The following PEPD variants were observed in gnomAD, a reference collection of about 807,000 sequenced individuals.
The protein encoded by PEPD is peptidase D.
Under a neutral mutation model 60.7 loss-of-function variants are expected in PEPD, and 53 were observed. That is an observed-to-expected ratio of 0.87 (90% CI 0.70 to 1.10). The LOEUF is 1.10. Ranked by LOEUF, PEPD falls within the 50% of genes least tolerant of loss-of-function variation. PEPD has a pLI of 0.00. For missense variants in PEPD, 711 were observed against 711.9 expected, an observed-to-expected ratio of 1.00 and a Z score of 0.01; for synonymous variants, 267 against 284.1, an observed-to-expected ratio of 0.94 and a Z score of 0.60.
chr19:33,448,109 G>A (rs1600123482), intron 9 of PEPD, among the ~76,000 whole-genome samples: 1 of 152,224 alleles, frequency 6.6e-6, no homozygotes, highest in African/African-American at 2.4e-5. Flanking sequence ...GCTAGGAGGA[G>A]AAAAACTCAC....
intron 9 of PEPD, among the ~76,000 whole-genome samples, chr19:33,437,050 G>A (rs1042942913): frequency 1.3e-5 from 2 of 152,126 alleles, no homozygotes; most frequent in African/African-American, 4.8e-5. Context: ...CAGCAACCAG[G>A]CAGAGCAGCC....
At chr19:33,407,599 T>C (rs544826545) in intron 11 of PEPD, among the ~76,000 whole-genome samples, 8 of 152,278 alleles carry the variant, frequency 5.3e-5, no homozygotes, top group East Asian at 3.9e-4. Context: ...ATGTTGAAAG[T>C]GTTAATTAGC....
chr19:33,430,802 T>TC (rs1421213904), intron 9 of PEPD, among the ~76,000 whole-genome samples: 1 of 151,852 alleles, frequency 6.6e-6, no homozygotes, highest in African/African-American at 2.4e-5. Flanking sequence ...CAGCGCACAC[T>TC]CCCCAAGCAC....
intron 9 of PEPD, among the ~76,000 whole-genome samples, chr19:33,423,376 C>A (rs757625185): frequency 6.6e-6 from 1 of 152,236 alleles, no homozygotes; most frequent in Non-Finnish European, 1.5e-5. Flanking sequence ...CCTTGTGCCT[C>A]TTCACTGTCC....
intron 12 of PEPD, among the ~76,000 whole-genome samples, chr19:33,398,341 A>T (rs1191843558): frequency 6.6e-6 from 1 of 152,220 alleles, no homozygotes; most frequent in African/African-American, 2.4e-5. Context: ...CTTTCTGGAC[A>T]TCTGGATTTC....
chr19:33,471,829 G>A (rs759873419), intron 7 of PEPD, among the ~76,000 whole-genome samples: 14 of 152,028 alleles, frequency 9.2e-5, no homozygotes, highest in Non-Finnish European at 1.8e-4. Flanking sequence ...GGCCAGCCTG[G>A]GCATCACAGT....
chr19:33,408,342 C>T (rs1349141653), intron 11 of PEPD, among the ~76,000 whole-genome samples: 2 of 152,252 alleles, frequency 1.3e-5, no homozygotes, highest in East Asian at 1.9e-4. Flanking sequence ...GTGAGGACAC[C>T]GGGCCTGCTG....
chr19:33,433,536 T>A (rs577012173), intron 9 of PEPD, among the ~76,000 whole-genome samples: 2 of 152,258 alleles, frequency 1.3e-5, no homozygotes, highest in African/African-American at 2.4e-5. Flanking sequence ...TATATTACAA[T>A]GGGCTCCTGG....
intron 9 of PEPD, among the ~76,000 whole-genome samples, chr19:33,453,321 T>A (rs374665888): frequency 2.1e-3 from 258 of 122,072 alleles, no homozygotes; most frequent in Middle Eastern, 4.4e-3. Flanking sequence ...CATAAAAAAA[T>A]AAATAAATAA....
rs539466526 is a variant in PEPD, at chr19:33,489,990, A to T, written c.503+6T>A. 8 of 1,587,010 alleles carry T rather than the reference A, an allele frequency of 5.0e-6. No individual in the cohort carries two copies. Among genetic ancestry groups the T allele is most frequent in the Non-Finnish European group, 6.9e-6 (8 of 1,158,802 alleles). Reference sequence around the variant, plus strand: ...GGGAAAGAGTCCCTGGGGGCCCAGGACTCACTTGCTGATGCCGTCAAAGGA... The same window carrying T: ...GGGAAAGAGTCCCTGGGGGCCCAGGTCTCACTTGCTGATGCCGTCAAAGGA... On this transcript the variant is annotated splice_donor_region_variant and intron_variant, in intron 6 of 14. Transcript: ENST00000244137.
intron 9 of PEPD, among the ~76,000 whole-genome samples, chr19:33,452,284 G>T (rs1568478914): frequency 1.3e-5 from 2 of 151,926 alleles, no homozygotes; most frequent in East Asian, 1.9e-4. Context: ...AATCACTCTA[G>T]ACATACCAGG....
At chr19:33,488,253 C>T (rs181686553) in intron 6 of PEPD, among the ~76,000 whole-genome samples, 5 of 152,222 alleles carry the variant, frequency 3.3e-5, no homozygotes, top group South Asian at 4.2e-4. Context: ...GGTTTGCATG[C>T]GGGCAACTGT....
At chr19:33,496,002 A>G (rs555674720) in intron 4 of PEPD, among the ~76,000 whole-genome samples, 1 of 152,032 alleles carries the variant, frequency 6.6e-6, no homozygotes, top group South Asian at 2.1e-4. Context: ...AACAAAAAAA[A>G]ACACCCAAAA....
At chr19:33,456,410 A>G (rs76583784) in intron 9 of PEPD, among the ~76,000 whole-genome samples, 1,703 of 152,270 alleles carry the variant, frequency 0.011, 26 homozygotes, top group South Asian at 0.071. Flanking sequence ...GCAGGACTCA[A>G]GGACTGCCCT....
intron 3 of PEPD, among the ~76,000 whole-genome samples, chr19:33,508,661 T>C (rs939366896): frequency 2.0e-5 from 3 of 152,092 alleles, no homozygotes; most frequent in African/African-American, 7.2e-5. Context: ...GGCGGCTGGG[T>C]TCCCAGGGCA....
intron 12 of PEPD, 113 bp downstream of exon 12, chr19:33,401,608 G>T: frequency 1.0e-6 from 1 of 982,442 alleles, no homozygotes; most frequent in Non-Finnish European, 1.6e-6. Flanking sequence ...AGCATCTGGA[G>T]TGTGGCAGAT....
At chr19:33,414,760 A>T (rs1430749009) in intron 9 of PEPD, among the ~76,000 whole-genome samples, 1 of 152,242 alleles carries the variant, frequency 6.6e-6, no homozygotes, top group Non-Finnish European at 1.5e-5. Flanking sequence ...GATATTAAGC[A>T]GTTGTTATGC....
intron 9 of PEPD, among the ~76,000 whole-genome samples, chr19:33,432,138 T>C (rs146912810): frequency 0.011 from 1,693 of 152,216 alleles, 25 homozygotes; most frequent in South Asian, 0.071. Flanking sequence ...CCAGAGCTCC[T>C]GAGCTGCTCC....
Position 33,500,919 on chromosome 19 carries a change from G to A in PEPD, c.393+19C>T. 1 of 1,488,130 alleles carries A rather than the reference G, an allele frequency of 6.7e-7. No individual in the cohort carries two copies. The highest frequency in any genetic ancestry group is 9.4e-7 in the Non-Finnish European group (1 of 1,065,830). The allele number at this position is 1,488,130 out of a possible 1,614,324, so 92.2% of individuals were successfully genotyped here. A position where few individuals can be genotyped will look rare whatever the true frequency, so the allele number is the denominator to read the frequency against. On this transcript the variant is annotated intron_variant, in intron 4 of 14. Transcript: ENST00000244137. Reference sequence around the variant, plus strand: ...TGCTGGAAGCCCTGGGCTGCTCAGAGGAGGAGCCGGCTACCCACCTCATCT... The same window carrying A: ...TGCTGGAAGCCCTGGGCTGCTCAGAAGAGGAGCCGGCTACCCACCTCATCT...
Sources: allele counts gnomAD v4.1 joint callset (sites outside exome capture counted in the v4.1 genomes callset), GRCh38; gene constraint gnomAD v4.1.1; transcripts MANE v1.5; gene names NCBI Gene and HGNC (gene_info 2026-07-23, HGNC 2026-07-21).